VRK1: variants seen among roughly 807,000 people sequenced by gnomAD.
The protein encoded by VRK1 is serine/threonine-protein kinase VRK1.
VRK1 carries 33 observed loss-of-function variants against 57.1 expected under a neutral mutation model. That is an observed-to-expected ratio of 0.58 (90% CI 0.44 to 0.77). VRK1 has a LOEUF of 0.77. Ranked by LOEUF, VRK1 falls within the 30% of genes least tolerant of loss-of-function variation. The probability of loss-of-function intolerance (pLI) is 0.00; values close to 1 mark genes in which losing one functional copy is unlikely to be tolerated. For synonymous variants in VRK1, 137 were observed against 147.8 expected (o/e 0.93, Z 0.53); for missense variants, 413 against 477.3 (o/e 0.87, Z 1.25).
At position 96,808,002 on chromosome 14, in the gene VRK1, C is replaced by CCTCTCTCCGTCTCTCTCTCTCTCTCT. The variant is rs149250994; in HGVS notation, c.-6+10562_-6+10563insCGTCTCTCTCTCTCTCTCTCTCTCTC. On this transcript the variant is annotated intron_variant, in intron 1 of 12. Transcript: ENST00000216639. The stretch of plus-strand genomic sequence containing the variant: ...GTCTCTCTCCCTCTCTCCCTCTCTC[C>CCTCTCTCCGTCTCTCTCTCTCTCTCT]CTCTCTCTCTCCCTCTGTGTGTGTG... Among the ~76,000 whole-genome samples the CCTCTCTCCGTCTCTCTCTCTCTCTCT allele has an allele frequency of 2.2e-3, 265 of 118,204 alleles. 14 individuals are homozygous for CCTCTCTCCGTCTCTCTCTCTCTCTCT. The highest frequency in any genetic ancestry group is 8.6e-3 in the African/African-American group (240 of 28,036). The allele number at this position is 118,204 out of a possible 152,430, so 77.5% of individuals were successfully genotyped here.
chr14:96,876,874 T>C (rs1487013375), intron 12 of VRK1, among the ~76,000 whole-genome samples: 1 of 151,944 alleles, frequency 6.6e-6, no homozygotes, highest in African/African-American at 2.4e-5. Flanking sequence ...TTCCAATAGT[T>C]CCAGAAATGA....
chr14:96,812,437 T>C (rs565331801), intron 1 of VRK1, among the ~76,000 whole-genome samples: 2 of 152,336 alleles, frequency 1.3e-5, no homozygotes, highest in African/African-American at 4.8e-5. Flanking sequence ...TGTTTATATA[T>C]GTCCTAGTGG....
chr14:96,821,056 C>T (rs1258504477), intron 1 of VRK1, among the ~76,000 whole-genome samples: 2 of 152,142 alleles, frequency 1.3e-5, no homozygotes, highest in Admixed American at 1.3e-4. Flanking sequence ...GCTTCAGAAA[C>T]ATTCTTTCCC....
chr14:96,876,213 C>T, intron 12 of VRK1, 93 bp downstream of exon 12: 1 of 1,162,608 alleles, frequency 8.6e-7, no homozygotes, highest in South Asian at 1.2e-5. Flanking sequence ...TGGGTCATGA[C>T]CTTTTGATTT....
At chr14:96,858,265 A>AT (rs555172188) in intron 10 of VRK1, among the ~76,000 whole-genome samples, 15 of 151,302 alleles carry the variant, frequency 9.9e-5, no homozygotes, top group South Asian at 8.4e-4. Flanking sequence ...CTAATTAAAA[A>AT]TTTTTTTTTG....
chr14:96,847,365 TC>T lies in VRK1; in HGVS notation c.374+22del, dbSNP rs775662102. 2.5e-6 allele frequency: 4 copies of T among 1,585,312 alleles called. No individual in the cohort carries two copies. In the Admixed American group the frequency reaches 6.7e-5, roughly 26 times the overall value. ...AAAAGGTAAAAATATGTGTGATTTG[TC>T]TTTCTCCTTCCCTTTTGCAACATTC... On this transcript the variant is annotated intron_variant, in intron 5 of 12. Transcript: ENST00000216639.
chr14:96,826,975 T>A (rs1886819407), intron 1 of VRK1, among the ~76,000 whole-genome samples: 1 of 152,112 alleles, frequency 6.6e-6, no homozygotes, highest in Non-Finnish European at 1.5e-5. Flanking sequence ...GGGAGGATGC[T>A]GAAAGGGAAC....
chr14:96,847,659 T>G (rs1226381277), intron 5 of VRK1, among the ~76,000 whole-genome samples: 1 of 152,128 alleles, frequency 6.6e-6, no homozygotes, highest in Non-Finnish European at 1.5e-5. Flanking sequence ...CTCCTTGCCT[T>G]TAGAAATAAA....
At chr14:96,836,518 CTTTTT>C (rs10560354) in intron 2 of VRK1, among the ~76,000 whole-genome samples, 2,584 of 89,528 alleles carry the variant, frequency 0.029, 29 homozygotes, top group South Asian at 0.091. Context: ...ACATCAGGGT[CTTTTT>C]TTTTTTTTTT....
intron 1 of VRK1, among the ~76,000 whole-genome samples, chr14:96,830,490 A>G (rs1566694690): frequency 6.6e-6 from 1 of 150,674 alleles, no homozygotes; most frequent in East Asian, 2.0e-4. Context: ...TTTGTCTTTC[A>G]TTTTCAATTA....
At position 96,876,057 on chromosome 14, in the gene VRK1, A is replaced by G. The variant is rs987874554; in HGVS notation, c.1096A>G (p.Lys366Glu). Residue 366 changes from lysine to glutamate, a missense_variant, in exon 12 of 13, where the codon AAG (lysine) becomes GAG (glutamate). Lys to Glu is a moderately conservative substitution (Grantham distance 56). Coordinates refer to ENST00000216639, the MANE Select transcript of VRK1 (RefSeq NM_003384.3). Reference sequence around the variant, plus strand: ...GCGAAAGAAAGAAATTGAAGAAAGCAAGGAACCTGGTGTTGAAGATACGGA... The same window carrying G: ...GCGAAAGAAAGAAATTGAAGAAAGCGAGGAACCTGGTGTTGAAGATACGGA... ...KKRKKEIEESKEPGVEDTEWS... is the reference protein window; with the variant it reads ...KKRKKEIEESEEPGVEDTEWS... 2.5e-6 allele frequency: 4 copies of G among 1,613,574 alleles called. No individual in the cohort carries two copies. Among genetic ancestry groups the G allele is most frequent in the Non-Finnish European group, 1.7e-6 (2 of 1,179,646 alleles).
rs144741294 is a variant in VRK1, at chr14:96,857,790, C to T, written c.889+1204C>T. ...CTATTTAAAATTGCAACCTACTCCCCATATCAATAAATACAATGTGGGTTT... is the reference window on the plus strand; with the variant it reads ...CTATTTAAAATTGCAACCTACTCCCTATATCAATAAATACAATGTGGGTTT... On this transcript the variant is annotated intron_variant, in intron 10 of 12. Coordinates refer to ENST00000216639, the MANE Select transcript of VRK1 (RefSeq NM_003384.3). 7.9e-5 allele frequency among the ~76,000 whole-genome samples: 12 copies of T among 152,262 alleles called. No individual in the cohort carries two copies. The East Asian group carries it at 2.1e-3, about 27-fold the overall frequency.
intron 1 of VRK1, among the ~76,000 whole-genome samples, chr14:96,806,476 A>G (rs1885883018): frequency 6.6e-6 from 1 of 152,222 alleles, no homozygotes; most frequent in South Asian, 2.1e-4. Flanking sequence ...TTTCTTTTCC[A>G]GAGTGTGAAA....
In VRK1 at chr14:96,846,237, C is replaced by T; in HGVS notation, c.286+73C>T. On this transcript the variant is annotated intron_variant, in intron 4 of 12. Coordinates refer to ENST00000216639, the MANE Select transcript of VRK1 (RefSeq NM_003384.3). ...TTTTGTTTTAAGCCAAGACCTAGAG[C>T]ATTGTATCTTATTTTATGACTCTTT... 5.1e-6 allele frequency: 7 copies of T among 1,374,012 alleles called. 1 individual carries two copies. In the South Asian group the frequency reaches 8.4e-5, roughly 17 times the overall value. 85.1% of individuals were successfully genotyped at this position (1,374,012 alleles called of 1,614,324 possible).
intron 11 of VRK1, among the ~76,000 whole-genome samples, chr14:96,869,148 T>C (rs533464738): frequency 2.0e-5 from 3 of 152,322 alleles, no homozygotes; most frequent in African/African-American, 7.2e-5. Context: ...AATAAGAGTG[T>C]TATCTGTCTT....
Position 96,865,134 on chromosome 14 carries a change from G to A in VRK1, c.1068+4399G>A, listed in dbSNP as rs1159392118. Among the ~76,000 whole-genome samples, 3 of 151,530 alleles carry A rather than the reference G, an allele frequency of 2.0e-5. No individual in the cohort carries two copies. The East Asian group carries it at 5.8e-4, about 29-fold the overall frequency. The stretch of plus-strand genomic sequence containing the variant: ...GTTAGTGCTTTTTATATTCTATTTG[G>A]GAATATTTTGTCTACTTAGGATCAT... On this transcript the variant is annotated intron_variant, in intron 11 of 12. Transcript: ENST00000216639.
chr14:96,862,904 C>A (rs1169251571), intron 11 of VRK1, among the ~76,000 whole-genome samples: 5 of 152,100 alleles, frequency 3.3e-5, no homozygotes, highest in East Asian at 1.9e-4. Context: ...AGACTCAGAT[C>A]TCTTTTGGAA....
chr14:96,850,525 A>G (rs777498121), intron 5 of VRK1, among the ~76,000 whole-genome samples: 4 of 152,188 alleles, frequency 2.6e-5, no homozygotes, highest in Non-Finnish European at 5.9e-5. Flanking sequence ...GTTTCAGTTG[A>G]TGTTTATGAT....
chr14:96,877,453 C>T (rs1889087026), intron 12 of VRK1: 1 of 1,272,748 alleles, frequency 7.9e-7, no homozygotes, highest in Non-Finnish European at 1.0e-6. Context: ...CTTCCTTTCG[C>T]TACTGTCTTT....
Sources: allele counts gnomAD v4.1 joint callset (sites outside exome capture counted in the v4.1 genomes callset), GRCh38; gene constraint gnomAD v4.1.1; transcripts MANE v1.5; gene names NCBI Gene and HGNC (gene_info 2026-07-23, HGNC 2026-07-21).